RASA2: variants seen among roughly 807,000 people sequenced by gnomAD.
RASA2 encodes the protein RAS p21 protein activator 2, also known as ras GTPase-activating protein 2.
Under a neutral mutation model 118.2 loss-of-function variants are expected in RASA2, and 155 were observed. The ratio of observed to expected loss-of-function variants is 1.31; its 90% confidence interval spans 1.15 to 1.50. The LOEUF (loss-of-function observed/expected upper bound fraction) is 1.50. Among genes scored for constraint, RASA2 ranks in the 40% most tolerant of loss-of-function variants. The probability of loss-of-function intolerance (pLI) is 0.00; values close to 1 mark genes in which losing one functional copy is unlikely to be tolerated. For missense variants in RASA2, 1,016 were observed against 1,009.6 expected (o/e 1.01, Z -0.09); for synonymous variants, 353 against 349.1 (o/e 1.01, Z -0.12).
intron 6 of RASA2, among the ~76,000 whole-genome samples, chr3:141,555,504 T>G (rs2082635741): frequency 6.6e-6 from 1 of 152,074 alleles, no homozygotes; most frequent in African/African-American, 2.4e-5. Flanking sequence ...TCAACATAGA[T>G]GAAGGTGCTC....
chr3:141,600,669 C>G (rs2083449433), intron 19 of RASA2: 1 of 156,896 alleles, frequency 6.4e-6, no homozygotes, highest in African/African-American at 2.4e-5. Context: ...TCCGTGGCCA[C>G]AACTAGAGTC....
chr3:141,563,396 T>G (rs1281497410), intron 9 of RASA2, among the ~76,000 whole-genome samples: 1 of 152,198 alleles, frequency 6.6e-6, no homozygotes, highest in African/African-American at 2.4e-5. Context: ...ACAGAATTAT[T>G]TAATTCACAA....
chr3:141,487,604 C>A (rs542680850), intron 1 of RASA2, among the ~76,000 whole-genome samples: 1 of 151,650 alleles, frequency 6.6e-6, no homozygotes, highest in East Asian at 2.0e-4. Context: ...GGCCTTCGCG[C>A]GGCTGCGGGC....
chr3:141,581,060 C>T (rs775981324), intron 16 of RASA2, 40 bp from the exon 17 acceptor site: 2 of 1,460,488 alleles, frequency 1.4e-6, no homozygotes, highest in Non-Finnish European at 1.8e-6. Flanking sequence ...TCTTAATTCT[C>T]TATTTAACAC....
intron 19 of RASA2, among the ~76,000 whole-genome samples, chr3:141,599,509 A>G (rs541355405): frequency 6.6e-6 from 1 of 152,160 alleles, no homozygotes; most frequent in Non-Finnish European, 1.5e-5. Flanking sequence ...AATGACATGC[A>G]CTTTAATTTG....
At chr3:141,525,091 A>G (rs975720831) in intron 3 of RASA2, 1 of 152,186 alleles carries the variant, frequency 6.6e-6, no homozygotes, top group African/African-American at 2.4e-5. Context: ...AGAAAGCTAA[A>G]AATGCTTTTT....
At position 141,594,776 on chromosome 3, in the gene RASA2, T is replaced by A. The variant is rs1041343132; in HGVS notation, c.1933+8024T>A. On this transcript the variant is annotated intron_variant, in intron 19 of 23. Coordinates refer to ENST00000286364, the MANE Select transcript of RASA2 (RefSeq NM_006506.5). ...TATAAGAAATGCTAAAGGAAATTCT[T>A]CAGGCTGAAAGGAAATAATACCAGA... 2.6e-5 allele frequency among the ~76,000 whole-genome samples: 4 copies of A among 152,270 alleles called. No individual in the cohort carries two copies. The Middle Eastern group carries it at 0.014, about 518-fold the overall frequency.
At chr3:141,531,113 A>G (rs1443486384) in intron 4 of RASA2, among the ~76,000 whole-genome samples, 2 of 152,042 alleles carry the variant, frequency 1.3e-5, no homozygotes, top group South Asian at 2.1e-4. Context: ...TCTGGTGGCT[A>G]TTTCCCTAAT....
chr3:141,561,154 C>T (rs1417935461), intron 9 of RASA2, among the ~76,000 whole-genome samples: 2 of 152,192 alleles, frequency 1.3e-5, no homozygotes, highest in African/African-American at 4.8e-5. Context: ...CCTCCCACTA[C>T]ACCATGTCTT....
At chr3:141,532,766 C>T (rs546863006) in intron 4 of RASA2, among the ~76,000 whole-genome samples, 2 of 152,160 alleles carry the variant, frequency 1.3e-5, no homozygotes, top group South Asian at 2.1e-4. Context: ...AAACTGTAGA[C>T]CTCCCCCCTG....
At chr3:141,504,413 C>T (rs2081832497) in intron 1 of RASA2, among the ~76,000 whole-genome samples, 1 of 152,220 alleles carries the variant, frequency 6.6e-6, no homozygotes, top group Admixed American at 6.5e-5. Context: ...TGGTCCCCAA[C>T]AAGAGGCTGT....
At chr3:141,552,414 C>T (rs4683610) in intron 5 of RASA2, among the ~76,000 whole-genome samples, 19,577 of 152,110 alleles carry the variant, frequency 0.13, 1,805 homozygotes, top group East Asian at 0.24. Context: ...TTACAAGTTA[C>T]GCTACCTCTT....
intron 9 of RASA2, among the ~76,000 whole-genome samples, chr3:141,563,305 G>C (rs1382795742): frequency 6.6e-6 from 1 of 151,894 alleles, no homozygotes; most frequent in Non-Finnish European, 1.5e-5. Context: ...TGAGTTTTTT[G>C]TTTTGTTTTC....
At chr3:141,580,082 AAAAATATATATATATATATAT>A (rs2083082311) in intron 15 of RASA2, among the ~76,000 whole-genome samples, 4 of 101,412 alleles carry the variant, frequency 3.9e-5, no homozygotes, top group Non-Finnish European at 5.8e-5. Flanking sequence ...AAAAAAAAAA[AAAAATATATATATATATATAT>A]ATATATATAT....
At chr3:141,565,693 A>G (rs1365447046) in intron 9 of RASA2, among the ~76,000 whole-genome samples, 1 of 152,180 alleles carries the variant, frequency 6.6e-6, no homozygotes, top group Non-Finnish European at 1.5e-5. Context: ...GTGTGGAACT[A>G]TGAGTCAATT....
Position 141,612,541 on chromosome 3 carries a change from C to T in RASA2, c.*228C>T, listed in dbSNP as rs2083668459. The T allele has an allele frequency of 2.5e-6, 1 of 392,184 alleles. No individual in the cohort carries two copies. The highest frequency in any genetic ancestry group is 4.4e-5 in the Admixed American group (1 of 22,894). 24.3% of individuals were successfully genotyped at this position (392,184 alleles called of 1,614,324 possible). A position where few individuals can be genotyped will look rare whatever the true frequency, so the allele number is the denominator to read the frequency against. On this transcript the variant is annotated 3_prime_UTR_variant, in exon 24 of 24. Coordinates refer to ENST00000286364, the MANE Select transcript of RASA2 (RefSeq NM_006506.5). ...AAGATTCCCTTCATACCTGTGTGACCAAATCCATGTTTCTGCAACTTCTTT... is the reference window on the plus strand; with the variant it reads ...AAGATTCCCTTCATACCTGTGTGACTAAATCCATGTTTCTGCAACTTCTTT...
chr3:141,505,739 G>A (rs1343815791), intron 1 of RASA2, among the ~76,000 whole-genome samples: 1 of 151,666 alleles, frequency 6.6e-6, no homozygotes, highest in African/African-American at 2.4e-5. Context: ...AGCAAGGGAT[G>A]TTTTATTTAT....
rs1217050952 is a variant in RASA2 at position 141,613,861 on chromosome 3, A to C, written c.*1548A>C. ...AATGACTTGTAAAAATCAATGAATT[A>C]TGTTTAAGTCTGCATTATGGTAGGT... On this transcript the variant is annotated 3_prime_UTR_variant, in exon 24 of 24. Coordinates refer to ENST00000286364, the MANE Select transcript of RASA2 (RefSeq NM_006506.5). 1 of 152,236 alleles carries C rather than the reference A, an allele frequency of 6.6e-6. No homozygotes were observed. Among genetic ancestry groups the C allele is most frequent in the Non-Finnish European group, 1.5e-5 (1 of 68,038 alleles). 9.4% of individuals were successfully genotyped at this position (152,236 alleles called of 1,614,324 possible). A position where few individuals can be genotyped will look rare whatever the true frequency, so the allele number is the denominator to read the frequency against.
rs528389713 is a variant in RASA2, at chr3:141,585,921, A to G, written c.1753-104A>G. 8.4e-4 allele frequency: 665 copies of G among 796,392 alleles called. 3 individuals are homozygous for G. In the African/African-American group the frequency reaches 0.01, roughly 12 times the overall value. 49.3% of individuals were successfully genotyped at this position (796,392 alleles called of 1,614,324 possible). A position where few individuals can be genotyped will look rare whatever the true frequency, so the allele number is the denominator to read the frequency against. ...AAATTACTATTATGTGTATTCATTA[A>G]TAATGAAGAACTTCCCATTATAATT... On this transcript the variant is annotated intron_variant, in intron 17 of 23. Transcript: ENST00000286364.
Sources: gnomAD v4.1 joint callset for allele counts (sites outside exome capture counted in the v4.1 genomes callset) on GRCh38, gnomAD v4.1.1 for gene constraint, MANE v1.5 for transcripts, NCBI Gene and HGNC (gene_info 2026-07-23, HGNC 2026-07-21) for gene names.